The following SYNPO variants were observed in gnomAD, a reference collection of about 807,000 sequenced individuals.
The protein encoded by SYNPO is synaptopodin.
A neutral mutation model predicts 49.5 loss-of-function variants in SYNPO; 19 were observed. The ratio of observed to expected loss-of-function variants is 0.38; its 90% CI spans 0.27 to 0.56. The LOEUF is 0.56. Among genes scored for constraint, SYNPO ranks in the 20% least tolerant of loss-of-function variants. SYNPO has a pLI of 0.68. For missense variants in SYNPO, 1,131 were observed against 1,248.3 expected (o/e 0.91, Z 1.42); for synonymous variants, 536 against 548.0 (o/e 0.98, Z 0.31).
chr5:150,621,946 C>T (rs1757195597), intron 2 of SYNPO, among the ~76,000 whole-genome samples: 1 of 152,192 alleles, frequency 6.6e-6, no homozygotes, highest in East Asian at 1.9e-4. Context: ...TGCTAAGCTG[C>T]CCTCCCCAAA....
At chr5:150,640,386 A>G (rs6888038), upstream of SYNPO, among the ~76,000 whole-genome samples, 3,245 of 152,272 alleles carry the variant, frequency 0.021, 109 homozygotes, top group African/African-American at 0.074. Flanking sequence ...ACTGCAAGCC[A>G]CTGAACTCCC....
chr5:150,647,742 G>A (rs1387614673), intron 1 of SYNPO, among the ~76,000 whole-genome samples: 4 of 152,216 alleles, frequency 2.6e-5, no homozygotes, highest in African/African-American at 9.6e-5. Flanking sequence ...AGACGTGGTG[G>A]CATTTGAGTT....
At chr5:150,602,815 A>G (rs893877666) in intron 1 of SYNPO, among the ~76,000 whole-genome samples, 1 of 152,072 alleles carries the variant, frequency 6.6e-6, no homozygotes, top group African/African-American at 2.4e-5. Flanking sequence ...CGCTGGGATT[A>G]CAGACATGAG....
chr5:150,587,533 A>T, the SYNPO span, among the ~76,000 whole-genome samples: 1 of 152,170 alleles, frequency 6.6e-6, no homozygotes, highest in Non-Finnish European at 1.5e-5. Flanking sequence ...GGATGGATGG[A>T]TGTCTGGGTG....
intron 2 of SYNPO, among the ~76,000 whole-genome samples, chr5:150,627,688 A>C (rs1210431636): frequency 2.0e-5 from 3 of 152,338 alleles, no homozygotes; most frequent in East Asian, 3.9e-4. Context: ...CCTCTCTCAG[A>C]GGTGACTTCA....
intron 2 of SYNPO, chr5:150,652,027 C>T: frequency 2.0e-6 from 2 of 1,000,592 alleles, no homozygotes; most frequent in Non-Finnish European, 2.4e-6. Context: ...GAGGCAGTGC[C>T]CATGCTGGGC....
intron 1 of SYNPO, among the ~76,000 whole-genome samples, chr5:150,602,525 A>T (rs1220279170): frequency 6.6e-6 from 1 of 152,226 alleles, no homozygotes; most frequent in Non-Finnish European, 1.5e-5. Context: ...AATGAATAAA[A>T]GCCGGGGATC....
chr5:150,618,577 CAG>C lies in SYNPO; in HGVS notation c.213_214del (p.Arg71SerfsTer69). On this transcript the variant is annotated frameshift_variant, in exon 2 of 3. Coordinates refer to the SYNPO transcript ENST00000394243. LOFTEE classifies it high-confidence loss of function. ...GCAGGAGTGGGGACGACTCTGCCTG[CAG>C]AGTCACCCAGGGGACACCGCAGCTG... is the stretch of plus-strand genomic sequence containing the variant. 1.9e-6 allele frequency: 3 copies of C among 1,550,668 alleles called. No individual in the cohort carries two copies. The highest frequency in any genetic ancestry group is 2.6e-6 in the Non-Finnish European group (3 of 1,146,338).
chr5:150,649,628 G>C lies in SYNPO; in HGVS notation c.1353G>C (p.Glu451Asp). The change falls in exon 2 of 3, where the codon GAG (glutamate) becomes GAC (aspartate). Residue 451 changes from glutamate to aspartate, a missense_variant. Glu to Asp is a conservative substitution (Grantham distance 45). Around this residue, in one of 4 missense-constraint regions of SYNPO, gnomAD observed 602 missense variants for 720.7 expected, o/e 0.84. Coordinates refer to ENST00000307662, the MANE Select transcript of SYNPO (RefSeq NM_007286.6). ...CGGCGGCGGAGGAGGTGGTACCAGAGTGGGCCTCCTGCCTCAAGTCACCCC... is the reference window on the plus strand; with the variant it reads ...CGGCGGCGGAGGAGGTGGTACCAGACTGGGCCTCCTGCCTCAAGTCACCCC... ...SPAAAEEVVPEWASCLKSPRI... is the reference protein window; with the variant it reads ...SPAAAEEVVPDWASCLKSPRI... 1 of 1,609,024 alleles carries C rather than the reference G, an allele frequency of 6.2e-7. No homozygotes were observed. The highest frequency in any genetic ancestry group is 1.1e-5 in the South Asian group (1 of 91,062).
At chr5:150,652,239 A>T in intron 2 of SYNPO, 2 of 1,000,638 alleles carry the variant, frequency 2.0e-6, no homozygotes, top group Non-Finnish European at 2.4e-6. Context: ...AGGGCCACCA[A>T]TGGAAGAGCC....
At chr5:150,640,326 T>C (rs1581497048), upstream of SYNPO, among the ~76,000 whole-genome samples, 1 of 151,326 alleles carries the variant, frequency 6.6e-6, no homozygotes, top group Non-Finnish European at 1.5e-5. Flanking sequence ...GTAGAGGGGG[T>C]CTGTGCAAAC....
intron 2 of SYNPO, among the ~76,000 whole-genome samples, chr5:150,628,378 C>T (rs1156586322): frequency 6.6e-6 from 1 of 152,216 alleles, no homozygotes; most frequent in African/African-American, 2.4e-5. Context: ...TTCTTGGAGG[C>T]ATGCCTCATG....
exon 2 of SYNPO, chr5:150,618,643 A>G: frequency 1.3e-6 from 2 of 1,551,262 alleles, no homozygotes; most frequent in East Asian, 4.9e-5. Flanking sequence ...GCTGCTCCAG[A>G]GAGGAACAAG....
intron 2 of SYNPO, among the ~76,000 whole-genome samples, chr5:150,633,244 T>TAGCA (rs1757599875): frequency 6.6e-6 from 1 of 152,230 alleles, no homozygotes; most frequent in African/African-American, 2.4e-5. Context: ...AGAGCTGATC[T>TAGCA]GAGCAATAAC....
At chr5:150,654,137 C>G (rs971670523) in intron 2 of SYNPO, 2 of 152,014 alleles carry the variant, frequency 1.3e-5, no homozygotes, top group Non-Finnish European at 2.9e-5. Context: ...AGATTTTGAT[C>G]GGGTAGGAAG....
intron 2 of SYNPO, among the ~76,000 whole-genome samples, chr5:150,619,698 G>T (rs924643622): frequency 6.6e-6 from 1 of 152,192 alleles, no homozygotes; most frequent in East Asian, 1.9e-4. Context: ...GGGGGACACA[G>T]TCCCGGGAGG....
In SYNPO at chr5:150,649,110, G is replaced by C; in HGVS notation, c.835G>C (p.Asp279His). 1 of 1,613,988 alleles carries C rather than the reference G, an allele frequency of 6.2e-7. No individual in the cohort carries two copies. The highest frequency in any genetic ancestry group is 8.5e-7 in the Non-Finnish European group (1 of 1,179,904). ...APAPQPPSLP[D>H]RSPRPQRHIM... is the part of the protein sequence containing the mutation. ...GGCTCCCCAGCCCCCCAGTTTGCCA[G>C]ACAGGAGCCCCCGGCCACAGAGACA... The change falls in exon 2 of 3, where the codon GAC becomes CAC. Residue 279 changes from aspartate to histidine, a missense_variant. Transcript: ENST00000307662.
In SYNPO at chr5:150,657,411, C is replaced by T. The variant is rs1327275472; in HGVS notation, c.*324C>T. 2.9e-5 allele frequency: 9 copies of T among 310,158 alleles called. No homozygotes were observed. Among genetic ancestry groups the T allele is most frequent in the African/African-American group, 2.0e-4 (7 of 35,826 alleles). The allele number at this position is 310,158 out of a possible 1,614,324, so 19.2% of individuals were successfully genotyped here. A position where few individuals can be genotyped will look rare whatever the true frequency, so the allele number is the denominator to read the frequency against. The stretch of plus-strand genomic sequence containing the variant: ...ACACACACCGATGCACACACACTCT[C>T]TCTTTCTCTCTCTCTCTCTCTCACA... On this transcript the variant is annotated 3_prime_UTR_variant, in exon 3 of 3. Transcript: ENST00000307662.
Position 150,657,222 on chromosome 5 carries a change from G to C in SYNPO, c.*135G>C. On this transcript the variant is annotated 3_prime_UTR_variant, in exon 3 of 3. Coordinates refer to ENST00000307662, the MANE Select transcript of SYNPO (RefSeq NM_007286.6). ...AGCAGAGGAGAGCTCTGGGGTTGGG[G>C]ATGGGTTAGGGACGCAAGCTTGAGT... is the stretch of plus-strand genomic sequence containing the variant. The C allele has an allele frequency of 9.9e-7, 1 of 1,007,874 alleles. No homozygotes were observed. 62.4% of individuals were successfully genotyped at this position (1,007,874 alleles called of 1,614,324 possible). A position where few individuals can be genotyped will look rare whatever the true frequency, so the allele number is the denominator to read the frequency against.
Sources: gnomAD v4.1 joint callset for allele counts (sites outside exome capture counted in the v4.1 genomes callset) on GRCh38, gnomAD v4.1.1 for gene constraint, gnomAD v4.1.1 regional missense constraint, MANE v1.5 for transcripts, NCBI Gene and HGNC (gene_info 2026-07-23, HGNC 2026-07-21) for gene names.